SH3PXD2A: variants seen among roughly 807,000 people sequenced by gnomAD.
The protein encoded by SH3PXD2A is SH3 and PX domain-containing protein 2A.
SH3PXD2A carries 32 observed loss-of-function variants against 115.2 expected under a neutral mutation model. That is an observed-to-expected ratio of 0.28 (90% CI 0.21 to 0.37). SH3PXD2A has a LOEUF of 0.37. SH3PXD2A is among the 10% of genes least tolerant of loss of function. SH3PXD2A has a pLI of 1.00. For synonymous variants in SH3PXD2A, 610 were observed against 629.1 expected, an observed-to-expected ratio of 0.97 and a Z score of 0.45; for missense variants, 1,328 against 1,498.7, an observed-to-expected ratio of 0.89 and a Z score of 1.88.
chr10:103,771,097 C>T (rs578137007), intron 2 of SH3PXD2A, among the ~76,000 whole-genome samples: 6 of 152,268 alleles, frequency 3.9e-5, no homozygotes, highest in East Asian at 3.9e-4. Context: ...CAGCAACACG[C>T]GCCCAGGTAT....
At chr10:103,653,766 G>A (rs1260877564) in intron 8 of SH3PXD2A, among the ~76,000 whole-genome samples, 2 of 152,140 alleles carry the variant, frequency 1.3e-5, no homozygotes, top group Non-Finnish European at 2.9e-5. Flanking sequence ...TGTGGATCCA[G>A]CTGGAAGAAA....
chr10:103,652,797 C>G (rs2037148542), intron 8 of SH3PXD2A, among the ~76,000 whole-genome samples: 1 of 152,046 alleles, frequency 6.6e-6, no homozygotes, highest in Non-Finnish European at 1.5e-5. Context: ...CCAGGGTTGC[C>G]CACTCACAGG....
chr10:103,751,322 A>T (rs2134205479), intron 3 of SH3PXD2A, among the ~76,000 whole-genome samples: 1 of 152,282 alleles, frequency 6.6e-6, no homozygotes, highest in Non-Finnish European at 1.5e-5. Flanking sequence ...GGATATATAG[A>T]TTTGTTTCCT....
At chr10:103,751,134 A>G (rs898266267) in intron 3 of SH3PXD2A, among the ~76,000 whole-genome samples, 1 of 152,226 alleles carries the variant, frequency 6.6e-6, no homozygotes, top group Non-Finnish European at 1.5e-5. Flanking sequence ...CTGTCACCCT[A>G]GTAGGTAAGA....
rs140683549 is a variant in SH3PXD2A at position 103,838,134 on chromosome 10, C to A, written c.72+17061G>T. 5.3e-3 allele frequency among the ~76,000 whole-genome samples: 802 copies of A among 152,330 alleles called. 9 individuals carry two copies. Among genetic ancestry groups the A allele is most frequent in the African/African-American group, 0.018 (753 of 41,572 alleles). The stretch of plus-strand genomic sequence containing the variant: ...GGCCTGAATCTTTACACTCGCCCTT[C>A]CTCTAGAACATGCCACAGGTTCCAT... On this transcript the variant is annotated intron_variant, in intron 1 of 14. Coordinates refer to ENST00000369774, the MANE Select transcript of SH3PXD2A (RefSeq NM_001394015.1).
chr10:103,628,762 G>A (rs2036735298), intron 8 of SH3PXD2A, among the ~76,000 whole-genome samples: 1 of 152,116 alleles, frequency 6.6e-6, no homozygotes, highest in Non-Finnish European at 1.5e-5. Flanking sequence ...AGGAAGCCTG[G>A]GCCAGTGAGT....
In SH3PXD2A at chr10:103,787,185, C is replaced by T. The variant is rs1186704312; in HGVS notation, c.153+14097G>A. On this transcript the variant is annotated intron_variant, in intron 2 of 14. Coordinates refer to ENST00000369774, the MANE Select transcript of SH3PXD2A (RefSeq NM_001394015.1). ...ATCTGGATGCATTTTTAATCTGGCT[C>T]GCAGGTGAACCCAGATCACAGGTGA... Among the ~76,000 whole-genome samples the T allele has an allele frequency of 8.5e-5, 13 of 152,286 alleles. No individual in the cohort carries two copies. The East Asian group carries it at 2.1e-3, about 25-fold the overall frequency.
chr10:103,744,177 G>T (rs2038475005), intron 3 of SH3PXD2A, among the ~76,000 whole-genome samples: 1 of 145,254 alleles, frequency 6.9e-6, no homozygotes, highest in Admixed American at 6.9e-5. Context: ...TTTTGCGACA[G>T]AGTTTCGCTC....
Position 103,622,452 on chromosome 10 carries a change from G to A in SH3PXD2A, c.802+18C>T. The A allele has an allele frequency of 6.6e-7, 1 of 1,525,512 alleles. No individual in the cohort carries two copies. The highest frequency in any genetic ancestry group is 8.9e-7 in the Non-Finnish European group (1 of 1,125,054). 94.5% of individuals were successfully genotyped at this position (1,525,512 alleles called of 1,614,324 possible). ...AGGCGGTCGCTGCGAGGGAGGAGAA[G>A]CCAGCTCCCGCAGTCACCTCGGCTG... On this transcript the variant is annotated intron_variant, in intron 10 of 14. Transcript: ENST00000369774.
chr10:103,768,625 A>G (rs1269644331), intron 2 of SH3PXD2A, among the ~76,000 whole-genome samples: 1 of 152,142 alleles, frequency 6.6e-6, no homozygotes, highest in Non-Finnish European at 1.5e-5. Context: ...CACACTTAGA[A>G]AAGACGGCTC....
At chr10:103,803,654 C>T (rs796587758) in intron 1 of SH3PXD2A, among the ~76,000 whole-genome samples, 3 of 152,344 alleles carry the variant, frequency 2.0e-5, no homozygotes, top group African/African-American at 7.2e-5. Flanking sequence ...CTTAACTGAA[C>T]TGGACTATCT....
chr10:103,788,696 G>A (rs149396580), intron 2 of SH3PXD2A, among the ~76,000 whole-genome samples: 6,739 of 152,026 alleles, frequency 0.044, 173 homozygotes, highest in South Asian at 0.096. Flanking sequence ...GAGAAACCCC[G>A]TCTCTACTAA....
At chr10:103,774,868 A>G (rs1367210541) in intron 2 of SH3PXD2A, among the ~76,000 whole-genome samples, 1 of 152,226 alleles carries the variant, frequency 6.6e-6, no homozygotes, top group Non-Finnish European at 1.5e-5. Flanking sequence ...AGTTTACAGT[A>G]GGCCTTACTT....
At position 103,600,291 on chromosome 10, in the gene SH3PXD2A, G is replaced by C. The variant is rs1385401129; in HGVS notation, c.*1525C>G. On this transcript the variant is annotated 3_prime_UTR_variant, in exon 15 of 15. Transcript: ENST00000369774. ...AACAATTGAAAAACACAACCCAAAG[G>C]TGACAGAGGACCTACAGGGAACTTT... 6.6e-6 allele frequency: 1 copy of C among 152,620 alleles called. No homozygotes were observed. Among genetic ancestry groups the C allele is most frequent in the African/African-American group, 2.4e-5 (1 of 41,438 alleles). 9.5% of individuals were successfully genotyped at this position (152,620 alleles called of 1,614,324 possible).
At chr10:103,687,063 T>C (rs183594928) in intron 6 of SH3PXD2A, among the ~76,000 whole-genome samples, 250 of 152,238 alleles carry the variant, frequency 1.6e-3, no homozygotes, top group Non-Finnish European at 2.2e-3. Flanking sequence ...TGTATTTTTA[T>C]AGTTATTAAA....
intron 1 of SH3PXD2A, among the ~76,000 whole-genome samples, chr10:103,840,136 A>T (rs1000923263): frequency 2.6e-5 from 4 of 152,238 alleles, no homozygotes; most frequent in Non-Finnish European, 5.9e-5. Context: ...GAGAGGAAGG[A>T]CTGGTTAGGA....
At chr10:103,694,452 C>A (rs1195397334) in intron 5 of SH3PXD2A, among the ~76,000 whole-genome samples, 1 of 152,174 alleles carries the variant, frequency 6.6e-6, no homozygotes. Context: ...GATTTGCCTG[C>A]ACAGCCAGGA....
chr10:103,724,371 G>A lies in SH3PXD2A; in HGVS notation c.307-10C>T. On this transcript the variant is annotated splice_polypyrimidine_tract_variant and intron_variant, in intron 4 of 14. Transcript: ENST00000369774. ...GCAGCCGGACAAGTGCCTGTGGAGA[G>A]ACAGGAAGAAAGGGCATTAGGTGTG... The A allele has an allele frequency of 1.3e-6, 2 of 1,548,614 alleles. No homozygotes were observed. Among genetic ancestry groups the A allele is most frequent in the African/African-American group, 2.8e-5 (2 of 71,758 alleles).
intron 1 of SH3PXD2A, among the ~76,000 whole-genome samples, chr10:103,808,249 TTTTTTTTTC>T (rs2039227574): frequency 6.8e-6 from 1 of 147,094 alleles, no homozygotes; most frequent in African/African-American, 2.6e-5. Flanking sequence ...AAGACCCCTC[TTTTTTTTTC>T]TTTTTTTTTT....
Sources: allele counts gnomAD v4.1 joint callset (sites outside exome capture counted in the v4.1 genomes callset), GRCh38; gene constraint gnomAD v4.1.1; transcripts MANE v1.5; gene names NCBI Gene and HGNC (gene_info 2026-07-23, HGNC 2026-07-21).